The following BCL2L13 variants were observed in gnomAD, a reference collection of about 807,000 sequenced individuals.
The protein encoded by BCL2L13 is BCL2 like 13, also known as bcl-2-like protein 13.
In BCL2L13, 13 loss-of-function variants were observed where a neutral mutation model predicts 25.8. The observed-to-expected ratio is 0.50, with a 90% CI of 0.33 to 0.80. BCL2L13 has a LOEUF of 0.80. BCL2L13 is among the 30% of genes least tolerant of loss of function. The pLI is 0.02. For missense variants in BCL2L13, 504 were observed against 574.9 expected (o/e 0.88, Z 1.26); for synonymous variants, 244 against 230.3 (o/e 1.06, Z -0.54).
intron 5 of BCL2L13, 147 bp from the exon 6 acceptor site, chr22:17,702,096 T>C (rs2145708546): frequency 3.1e-6 from 2 of 640,718 alleles, no homozygotes; most frequent in East Asian, 3.1e-5. Context: ...AAAATCCTAA[T>C]AGAAGTTACT....
At chr22:17,720,032 G>C (rs1311825155) in intron 6 of BCL2L13, among the ~76,000 whole-genome samples, 1 of 152,188 alleles carries the variant, frequency 6.6e-6, no homozygotes, top group Non-Finnish European at 1.5e-5. Flanking sequence ...AGAATGGAGA[G>C]TGACTACCAA....
chr22:17,676,259 C>T (rs2059572663), intron 2 of BCL2L13, among the ~76,000 whole-genome samples: 3 of 151,734 alleles, frequency 2.0e-5, no homozygotes, highest in Non-Finnish European at 2.9e-5. Context: ...GTCAGGAGTT[C>T]GAGACCAGCC....
chr22:17,711,139 T>G (rs1000875775), intron 6 of BCL2L13, among the ~76,000 whole-genome samples: 3 of 151,806 alleles, frequency 2.0e-5, no homozygotes, highest in African/African-American at 7.3e-5. Context: ...GGAGGATCTA[T>G]TGAGCCCAGG....
intron 6 of BCL2L13, among the ~76,000 whole-genome samples, chr22:17,712,729 T>C (rs1176491868): frequency 2.6e-5 from 4 of 152,232 alleles, no homozygotes; most frequent in South Asian, 2.1e-4. Context: ...ACTGTTGATA[T>C]GGCTTTGGTG....
chr22:17,646,953 ATATT>A (rs1223289519), intron 1 of BCL2L13, among the ~76,000 whole-genome samples: 145 of 21,554 alleles, frequency 6.7e-3, no homozygotes, highest in African/African-American at 0.018. Flanking sequence ...ATATATATAT[ATATT>A]TTTTTTTTTT....
At chr22:17,714,597 G>A (rs1275347203) in intron 6 of BCL2L13, among the ~76,000 whole-genome samples, 1 of 152,164 alleles carries the variant, frequency 6.6e-6, no homozygotes, top group Non-Finnish European at 1.5e-5. Flanking sequence ...TAGCTTGGGG[G>A]GACCATGACT....
At chr22:17,656,842 G>A (rs2058886625) in intron 2 of BCL2L13, among the ~76,000 whole-genome samples, 1 of 151,530 alleles carries the variant, frequency 6.6e-6, no homozygotes, top group African/African-American at 2.4e-5. Flanking sequence ...TTTTTGAGAT[G>A]GAGTCTCACT....
At chr22:17,678,238 GTTC>G (rs1029759312) in intron 2 of BCL2L13, among the ~76,000 whole-genome samples, 9 of 152,026 alleles carry the variant, frequency 5.9e-5, no homozygotes, top group African/African-American at 2.2e-4. Context: ...TGCGCAGGCT[GTTC>G]TTGAACTCCT....
At position 17,720,668 on chromosome 22, in the gene BCL2L13, A is replaced by AT. The variant is rs752609758; in HGVS notation, c.601-5993dup. Among the ~76,000 whole-genome samples the AT allele has an allele frequency of 6.3e-3, 866 of 138,272 alleles. 1 individual carries two copies. The highest frequency in any genetic ancestry group is 8.5e-3 in the African/African-American group (324 of 37,966). The allele number at this position is 138,272 out of a possible 152,430, so 90.7% of individuals were successfully genotyped here. A position where few individuals can be genotyped will look rare whatever the true frequency, so the allele number is the denominator to read the frequency against. Reference sequence around the variant, plus strand: ...GCGTGAGCCACCGTGCCCGGCCTTAATTTTTTTTTTTTTTTTAGAGGCGGG... The same window carrying AT: ...GCGTGAGCCACCGTGCCCGGCCTTAATTTTTTTTTTTTTTTTTAGAGGCGGG... On this transcript the variant is annotated intron_variant, in intron 6 of 6. Coordinates refer to ENST00000317582, the MANE Select transcript of BCL2L13 (RefSeq NM_015367.4).
chr22:17,651,925 C>T (rs914683554), intron 1 of BCL2L13, among the ~76,000 whole-genome samples: 1 of 151,838 alleles, frequency 6.6e-6, no homozygotes, highest in Admixed American at 6.6e-5. Context: ...TTCCTGATTG[C>T]GTGATCCACC....
rs1197626584 is a variant in BCL2L13 at position 17,727,459 on chromosome 22, G to A, written c.1383G>A (p.Leu461=). Residue 461 remains leucine (L), a synonymous_variant, in exon 7 of 7, where the codon CTG becomes CTA. Transcript: ENST00000317582. ...CGCTGTCTGAGGGCAAGTCTATACT[G>A]CTGTTTGGAGGGGCTGCTGCTGTTG... ...PMPLSEGKSI[L]LFGGAAAVAI... is the part of the protein sequence containing the mutation. 1.2e-6 allele frequency: 2 copies of A among 1,614,276 alleles called. No individual in the cohort carries two copies. Among genetic ancestry groups the A allele is most frequent in the Admixed American group, 3.3e-5 (2 of 60,038 alleles).
chr22:17,730,601 TAAAAC>T lies in BCL2L13; in HGVS notation c.*3068_*3072del, dbSNP rs1407153934. On this transcript the variant is annotated 3_prime_UTR_variant, in exon 7 of 7. Coordinates refer to ENST00000317582, the MANE Select transcript of BCL2L13 (RefSeq NM_015367.4). Reference sequence around the variant, plus strand: ...TATTTTAAGAGATGTTTTATAGAAATAAAACGTTTTGTAGCTAAGAATTTTCCCTT... The same window carrying T: ...TATTTTAAGAGATGTTTTATAGAAATGTTTTGTAGCTAAGAATTTTCCCTT... The T allele has an allele frequency of 6.6e-6, 1 of 152,190 alleles. No homozygotes were observed. 9.4% of individuals were successfully genotyped at this position (152,190 alleles called of 1,614,324 possible). A position where few individuals can be genotyped will look rare whatever the true frequency, so the allele number is the denominator to read the frequency against.
At chr22:17,668,611 C>T (rs539540911) in intron 2 of BCL2L13, among the ~76,000 whole-genome samples, 9 of 151,902 alleles carry the variant, frequency 5.9e-5, no homozygotes, top group Admixed American at 2.0e-4. Context: ...GCACCACAGG[C>T]GTGCACCACG....
Position 17,727,564 on chromosome 22 carries a change from A to C in BCL2L13, c.*30A>C, listed in dbSNP as rs2061332555. 6.2e-7 allele frequency: 1 copy of C among 1,609,316 alleles called. No homozygotes were observed. The highest frequency in any genetic ancestry group is 1.1e-5 in the South Asian group (1 of 91,014). ...CTTTTCAGAAGAGAAAGACAGAAGG[A>C]TGTAAGGTTGGAGTTGTATTGGCTG... On this transcript the variant is annotated 3_prime_UTR_variant, in exon 7 of 7. Coordinates refer to ENST00000317582, the MANE Select transcript of BCL2L13 (RefSeq NM_015367.4).
intron 2 of BCL2L13, among the ~76,000 whole-genome samples, chr22:17,669,364 A>G (rs1356670660): frequency 1.3e-5 from 2 of 152,178 alleles, no homozygotes; most frequent in African/African-American, 2.4e-5. Context: ...TTTAAGAAGC[A>G]TGGCACTGGC....
At chr22:17,672,224 C>G (rs557126238) in intron 2 of BCL2L13, among the ~76,000 whole-genome samples, 3 of 152,326 alleles carry the variant, frequency 2.0e-5, no homozygotes, top group African/African-American at 7.2e-5. Context: ...CCTAGACCTA[C>G]AGGACCAGAT....
chr22:17,635,517 T>G (rs1202862191), upstream of BCL2L13, among the ~76,000 whole-genome samples: 1 of 152,214 alleles, frequency 6.6e-6, no homozygotes, highest in Non-Finnish European at 1.5e-5. Context: ...GCCTTAGCAC[T>G]TCTGTTGAAA....
At chr22:17,676,221 G>A (rs970082615) in intron 2 of BCL2L13, among the ~76,000 whole-genome samples, 3 of 152,142 alleles carry the variant, frequency 2.0e-5, no homozygotes, top group African/African-American at 7.2e-5. Flanking sequence ...CAGCACTTCG[G>A]GAGGCTGAGG....
intron 6 of BCL2L13, among the ~76,000 whole-genome samples, chr22:17,709,431 T>C (rs2060682878): frequency 6.7e-6 from 1 of 149,180 alleles, no homozygotes; most frequent in African/African-American, 2.5e-5. Flanking sequence ...CCCATCTCTA[T>C]GAAAAATACA....
Sources: allele counts gnomAD v4.1 joint callset (sites outside exome capture counted in the v4.1 genomes callset), GRCh38; gene constraint gnomAD v4.1.1; transcripts MANE v1.5; gene names NCBI Gene and HGNC (gene_info 2026-07-23, HGNC 2026-07-21).